NME7: variants seen among roughly 807,000 people sequenced by gnomAD.
NME7 encodes the protein NME/NM23 family member 7.
Under a neutral mutation model 49.1 loss-of-function variants are expected in NME7, and 41 were observed. That is an observed-to-expected ratio of 0.83 (90% CI 0.65 to 1.08). The LOEUF (loss-of-function observed/expected upper bound fraction) is 1.08. Among genes scored for constraint, NME7 ranks in the 50% least tolerant of loss-of-function variants. The probability of loss-of-function intolerance (pLI) is 0.00; values close to 1 mark genes in which losing one functional copy is unlikely to be tolerated. For missense variants in NME7, 423 were observed against 463.4 expected (o/e 0.91, Z 0.80); for synonymous variants, 139 against 150.6 (o/e 0.92, Z 0.56).
chr1:169,270,659 T>C (rs1649461447), intron 7 of NME7, among the ~76,000 whole-genome samples: 1 of 133,830 alleles, frequency 7.5e-6, no homozygotes. Flanking sequence ...AGAGTAGTAA[T>C]CATAATACTA....
At chr1:169,181,167 T>TATCTATCA (rs1164676670) in intron 10 of NME7, among the ~76,000 whole-genome samples, 1 of 146,560 alleles carries the variant, frequency 6.8e-6, no homozygotes, top group African/African-American at 2.6e-5. Context: ...TCTATCTATC[T>TATCTATCA]ATCATCTATC....
chr1:169,350,811 G>T (rs1653146068), intron 1 of NME7, among the ~76,000 whole-genome samples: 1 of 151,922 alleles, frequency 6.6e-6, no homozygotes, highest in Non-Finnish European at 1.5e-5. Flanking sequence ...CTTCAATGTG[G>T]AATAGTCATA....
At chr1:169,264,775 A>C (rs1330080548) in intron 7 of NME7, among the ~76,000 whole-genome samples, 1 of 133,032 alleles carries the variant, frequency 7.5e-6, no homozygotes, top group Non-Finnish European at 1.8e-5. Flanking sequence ...CATCTACAGA[A>C]CTCATCACCC....
chr1:169,172,138 T>C (rs532849362), intron 10 of NME7, among the ~76,000 whole-genome samples: 8 of 152,110 alleles, frequency 5.3e-5, no homozygotes, highest in Non-Finnish European at 1.2e-4. Context: ...CTTGCATCCA[T>C]ATGTCTGATG....
chr1:169,222,768 CAT>C (rs1333016986), intron 10 of NME7, among the ~76,000 whole-genome samples: 1 of 152,118 alleles, frequency 6.6e-6, no homozygotes, highest in African/African-American at 2.4e-5. Context: ...AAAAACTTGA[CAT>C]TTTAAGTTTT....
intron 1 of NME7, among the ~76,000 whole-genome samples, chr1:169,335,741 A>G (rs1652437984): frequency 6.8e-6 from 1 of 147,186 alleles, no homozygotes; most frequent in South Asian, 2.1e-4. Context: ...TATATTTAAT[A>G]TATACTTTTA....
intron 10 of NME7, among the ~76,000 whole-genome samples, chr1:169,176,991 C>A (rs1345019569): frequency 6.6e-6 from 1 of 152,010 alleles, no homozygotes; most frequent in Admixed American, 6.6e-5. Flanking sequence ...CACATTACTA[C>A]TAAAAAATTT....
At chr1:169,240,115 C>T (rs964352223) in intron 7 of NME7, among the ~76,000 whole-genome samples, 1 of 149,490 alleles carries the variant, frequency 6.7e-6, no homozygotes, top group Non-Finnish European at 1.5e-5. Context: ...GTTTCTTAGC[C>T]TTTATATAGG....
chr1:169,365,029 G>T (rs1339404584), intron 1 of NME7, among the ~76,000 whole-genome samples: 1 of 152,040 alleles, frequency 6.6e-6, no homozygotes, highest in African/African-American at 2.4e-5. Flanking sequence ...CCTAAGATTG[G>T]TCTTGAGATA....
chr1:169,201,373 T>C (rs923719068), intron 10 of NME7, among the ~76,000 whole-genome samples: 20 of 152,170 alleles, frequency 1.3e-4, no homozygotes, highest in Admixed American at 1.3e-3. Flanking sequence ...AGCAGGGGCA[T>C]AATATGACTA....
At chr1:169,250,310 G>T (rs1648508651) in intron 7 of NME7, among the ~76,000 whole-genome samples, 1 of 151,844 alleles carries the variant, frequency 6.6e-6, no homozygotes, top group Admixed American at 6.6e-5. Flanking sequence ...CTGTGGGGTT[G>T]GTTGTAAAGT....
intron 7 of NME7, among the ~76,000 whole-genome samples, chr1:169,238,291 A>G (rs530174041): frequency 7.2e-4 from 110 of 152,120 alleles, no homozygotes; most frequent in African/African-American, 2.4e-3. Context: ...TCAAATCGAT[A>G]AAGGCCTTGG....
At chr1:169,143,273 C>CTTTTTTTTTTTTTTTTTTTTTTTTTTT (rs71299493) in intron 11 of NME7, among the ~76,000 whole-genome samples, 1 of 98,178 alleles carries the variant, frequency 1.0e-5, no homozygotes, top group Non-Finnish European at 2.1e-5. Flanking sequence ...TCACCTCAGG[C>CTTTTTTTTTTTTTTTTTTTTTTTTTTT]TTTTTTTTTT....
chr1:169,280,793 C>T, intron 7 of NME7, among the ~76,000 whole-genome samples: 1 of 144,304 alleles, frequency 6.9e-6, no homozygotes, highest in East Asian at 4.6e-4. Flanking sequence ...CTGAGGCCTA[C>T]ATTCTGTTCC....
intron 3 of NME7, among the ~76,000 whole-genome samples, chr1:169,316,322 G>A (rs1651625592): frequency 1.3e-5 from 2 of 152,046 alleles, no homozygotes; most frequent in Non-Finnish European, 2.9e-5. Context: ...GTATGAGTTG[G>A]GAGAGAGCCA....
At chr1:169,309,638 C>A (rs748412955) in intron 4 of NME7, among the ~76,000 whole-genome samples, 1 of 152,088 alleles carries the variant, frequency 6.6e-6, no homozygotes, top group Non-Finnish European at 1.5e-5. Context: ...CCCCCTCACC[C>A]CTCACTAGTT....
Position 169,323,005 on chromosome 1 carries a change from A to C in NME7, c.278+112T>G. Reference sequence around the variant, plus strand: ...AAAAAGAAAAAGAATGAAGACAACCATTTTCCAGGTCCTATCCATCCTCAT... The same window carrying C: ...AAAAAGAAAAAGAATGAAGACAACCCTTTTCCAGGTCCTATCCATCCTCAT... On this transcript the variant is annotated intron_variant, in intron 3 of 11. Transcript: ENST00000367811. 3 of 799,172 alleles carry C rather than the reference A, an allele frequency of 3.8e-6. No individual in the cohort carries two copies. The South Asian group carries it at 1.2e-4, about 32-fold the overall frequency. 49.5% of individuals were successfully genotyped at this position (799,172 alleles called of 1,614,324 possible). A position where few individuals can be genotyped will look rare whatever the true frequency, so the allele number is the denominator to read the frequency against.
intron 1 of NME7, among the ~76,000 whole-genome samples, chr1:169,329,553 G>A (rs146850291): frequency 9.1e-4 from 138 of 151,904 alleles, no homozygotes; most frequent in Non-Finnish European, 1.2e-3. Flanking sequence ...TGCAAAAAGC[G>A]TACTGAAGAA....
chr1:169,155,102 A>G (rs942352061), intron 11 of NME7, among the ~76,000 whole-genome samples: 4 of 151,998 alleles, frequency 2.6e-5, no homozygotes, highest in African/African-American at 9.7e-5. Flanking sequence ...ACCTGTCCCA[A>G]TTTTCTTTAA....
Sources: allele counts gnomAD v4.1 joint callset (sites outside exome capture counted in the v4.1 genomes callset), GRCh38; gene constraint gnomAD v4.1.1; transcripts MANE v1.5; gene names NCBI Gene and HGNC (gene_info 2026-07-23, HGNC 2026-07-21).